Variants in ADA2 observed in about 807,000 individuals in gnomAD.
The protein encoded by ADA2 is adenosine deaminase 2, also known as adenosine deaminase CECR1.
Under a neutral mutation model 44.2 loss-of-function variants are expected in ADA2, and 29 were observed. The ratio of observed to expected loss-of-function variants is 0.66; its 90% CI spans 0.49 to 0.89. The LOEUF is 0.89. Among genes scored for constraint, ADA2 ranks in the 40% least tolerant of loss-of-function variants. The probability of loss-of-function intolerance (pLI) is 0.00; values close to 1 mark genes in which losing one functional copy is unlikely to be tolerated. For synonymous variants in ADA2, 215 were observed against 234.9 expected (o/e 0.92, Z 0.77); for missense variants, 637 against 644.8 (o/e 0.99, Z 0.13).
chr22:17,211,520 C>A (rs2062417946), intron 1 of ADA2, among the ~76,000 whole-genome samples: 1 of 152,108 alleles, frequency 6.6e-6, no homozygotes, highest in Admixed American at 6.6e-5. Context: ...ATAGTCCCAG[C>A]TACTGGGGAG....
chr22:17,194,586 T>A (rs1395316688), intron 4 of ADA2, among the ~76,000 whole-genome samples: 1 of 152,044 alleles, frequency 6.6e-6, no homozygotes, highest in Non-Finnish European at 1.5e-5. Context: ...GCTGCCCCCA[T>A]GAAGCCTGGC....
intron 5 of ADA2, 51 bp from the exon 6 acceptor site, chr22:17,190,083 A>G: frequency 7.1e-7 from 1 of 1,406,968 alleles, no homozygotes; most frequent in South Asian, 1.2e-5. Flanking sequence ...CCGACAGAGC[A>G]CAAACCCCAG....
In ADA2 at chr22:17,188,397, C is replaced by T; in HGVS notation, c.1023G>A (p.Leu341=). ...TAACGCCATCCTTGGCGGGGATCATCAGAGCTTCCTTGTAGTCATGCAAGG... is the reference window on the plus strand; with the variant it reads ...TAACGCCATCCTTGGCGGGGATCATTAGAGCTTCCTTGTAGTCATGCAAGG... ...GHSLHDYKEA[L]MIPAKDGVKL... is the part of the protein sequence containing the mutation. Residue 341 remains leucine (L), a synonymous_variant, in exon 7 of 10, where the codon CTG becomes CTA. Coordinates refer to ENST00000399837, the MANE Select transcript of ADA2 (RefSeq NM_001282225.2). 6.2e-7 allele frequency: 1 copy of T among 1,614,144 alleles called. No individual in the cohort carries two copies. The highest frequency in any genetic ancestry group is 8.5e-7 in the Non-Finnish European group (1 of 1,179,996).
In ADA2 at chr22:17,181,312, A is replaced by G. The variant is rs142011340; in HGVS notation, c.*171T>C. 5.0e-5 allele frequency: 32 copies of G among 642,662 alleles called. No homozygotes were observed. The highest frequency in any genetic ancestry group is 4.3e-4 in the African/African-American group (24 of 55,466). The allele number at this position is 642,662 out of a possible 1,614,324, so 39.8% of individuals were successfully genotyped here. A position where few individuals can be genotyped will look rare whatever the true frequency, so the allele number is the denominator to read the frequency against. ...GAGGGTCAATGTCACTGTGGCTGAG[A>G]GAGAATATTTCCAGAGGATGAATTT... On this transcript the variant is annotated 3_prime_UTR_variant, in exon 10 of 10. Transcript: ENST00000399837.
At chr22:17,215,695 C>T (rs2062464070) in intron 1 of ADA2, among the ~76,000 whole-genome samples, 1 of 152,038 alleles carries the variant, frequency 6.6e-6, no homozygotes, top group Non-Finnish European at 1.5e-5. Context: ...AAGCCAGACA[C>T]AGAAGGACAA....
intron 7 of ADA2, among the ~76,000 whole-genome samples, chr22:17,183,178 G>A (rs2061992996): frequency 6.6e-6 from 1 of 152,074 alleles, no homozygotes; most frequent in Admixed American, 6.6e-5. Flanking sequence ...CCACCTCCCA[G>A]GTTCAAACAA....
chr22:17,188,743 G>A (rs1170340665), intron 6 of ADA2: 5 of 185,486 alleles, frequency 2.7e-5, no homozygotes, highest in Admixed American at 6.0e-5. Flanking sequence ...TCCAGGTGTG[G>A]TAGCGGGTGC....
rs2062365477 is a variant in ADA2 at position 17,207,292 on chromosome 22, T to C, written c.323-2A>G. The C allele has an allele frequency of 7.5e-6, 12 of 1,598,482 alleles. No homozygotes were observed. Among genetic ancestry groups the C allele is most frequent in the Admixed American group, 1.7e-5 (1 of 59,754 alleles). ...TGTCATGGAGGTGCAAGGCAGCCCC[T>C]GGAGAGGGAAGAAGAATGGTGAAGA... On this transcript the variant is annotated splice_acceptor_variant, in intron 2 of 9. Transcript: ENST00000399837. LOFTEE classifies it high-confidence loss of function.
At chr22:17,199,946 G>T (rs1056132958) in intron 4 of ADA2, among the ~76,000 whole-genome samples, 1 of 152,114 alleles carries the variant, frequency 6.6e-6, no homozygotes, top group African/African-American at 2.4e-5. Context: ...TGTAATCCCA[G>T]CACTTTGGGA....
Position 17,199,467 on chromosome 22 carries a change from G to A in ADA2, c.753+4096C>T, listed in dbSNP as rs934278685. 1.0e-5 allele frequency: 7 copies of A among 683,010 alleles called. No individual in the cohort carries two copies. In the African/African-American group the frequency reaches 2.8e-4, roughly 27 times the overall value. The allele number at this position is 683,010 out of a possible 1,614,324, so 42.3% of individuals were successfully genotyped here. A position where few individuals can be genotyped will look rare whatever the true frequency, so the allele number is the denominator to read the frequency against. On this transcript the variant is annotated intron_variant, in intron 4 of 9. Transcript: ENST00000399837. ...CCCCTCCACCCACGAAGATCCCAGGGTTCTGCGAGGGTCGGAGTTCCCTAT... is the reference window on the plus strand; with the variant it reads ...CCCCTCCACCCACGAAGATCCCAGGATTCTGCGAGGGTCGGAGTTCCCTAT...
chr22:17,219,002 C>T (rs1269690743), intron 1 of ADA2, among the ~76,000 whole-genome samples: 1 of 152,114 alleles, frequency 6.6e-6, no homozygotes. Context: ...ACTAAAAATA[C>T]AAAAATTAGC....
intron 2 of ADA2, among the ~76,000 whole-genome samples, chr22:17,209,138 C>A (rs1397062909): frequency 6.6e-6 from 1 of 152,082 alleles, no homozygotes; most frequent in African/African-American, 2.4e-5. Context: ...GGGCTGGATG[C>A]TTTTCCAATC....
intron 7 of ADA2, among the ~76,000 whole-genome samples, chr22:17,188,021 T>G (rs1420561009): frequency 2.0e-5 from 3 of 151,486 alleles, no homozygotes; most frequent in Non-Finnish European, 2.9e-5. Context: ...GGAGACTCTC[T>G]TGAACCTGGG....
intron 1 of ADA2, chr22:17,213,688 C>G: frequency 4.0e-6 from 1 of 246,966 alleles, no homozygotes; most frequent in Non-Finnish European, 8.4e-6. Flanking sequence ...AAGTGGACCC[C>G]GGCCCGCGCA....
At chr22:17,201,415 T>G (rs1163570084) in intron 4 of ADA2, among the ~76,000 whole-genome samples, 1 of 152,172 alleles carries the variant, frequency 6.6e-6, no homozygotes, top group Non-Finnish European at 1.5e-5. Context: ...CTACAGAATA[T>G]GCTAACAAAA....
At chr22:17,199,446 T>TCCCCTCCACTATCCTCTTCCCCA in intron 4 of ADA2, 1 of 917,626 alleles carries the variant, frequency 1.1e-6, no homozygotes, top group Non-Finnish European at 1.7e-6. Context: ...CCTCTTCCCC[T>TCCCCTCCACTATCCTCTTCCCCA]CCACCCACGA....
At position 17,207,094 on chromosome 22, in the gene ADA2, C is replaced by T. The variant is rs2062360859; in HGVS notation, c.519G>A (p.Gln173=). 1 of 1,614,098 alleles carries T rather than the reference C, an allele frequency of 6.2e-7. No homozygotes were observed. The highest frequency in any genetic ancestry group is 8.5e-7 in the Non-Finnish European group (1 of 1,180,032). ...ILLEDYRKRV[Q]NVTEFDDSLL... is the part of the protein sequence containing the mutation. ...ACCTGTCATCAAACTCAGTGACGTT[C>T]TGCACCCGCTTCCGATAATCCTCCA... Residue 173 remains glutamine, a synonymous_variant, in exon 3 of 10, where the codon CAG becomes CAA. Coordinates refer to ENST00000399837, the MANE Select transcript of ADA2 (RefSeq NM_001282225.2).
In ADA2 at chr22:17,202,495, G is replaced by C. The variant is rs2062301764; in HGVS notation, c.753+1068C>G. 2.0e-5 allele frequency among the ~76,000 whole-genome samples: 3 copies of C among 152,056 alleles called. No individual in the cohort carries two copies. In the South Asian group the frequency reaches 6.2e-4, roughly 31 times the overall value. ...TTGACCAGGCTGGTTTCAAACTCCT[G>C]GCCTCAAGTGATCCACCAGCCTTAG... On this transcript the variant is annotated intron_variant, in intron 4 of 9. Coordinates refer to ENST00000399837, the MANE Select transcript of ADA2 (RefSeq NM_001282225.2).
At chr22:17,201,558 G>A (rs1365892503) in intron 4 of ADA2, among the ~76,000 whole-genome samples, 2 of 152,054 alleles carry the variant, frequency 1.3e-5, no homozygotes, top group Non-Finnish European at 1.5e-5. Context: ...TCTACCAAAG[G>A]TCACTTTCCC....
Sources: allele counts gnomAD v4.1 joint callset (sites outside exome capture counted in the v4.1 genomes callset), GRCh38; gene constraint gnomAD v4.1.1; transcripts MANE v1.5; gene names NCBI Gene and HGNC (gene_info 2026-07-23, HGNC 2026-07-21).